FRMD4A: variants seen among roughly 807,000 people sequenced by gnomAD.
The protein encoded by FRMD4A is FERM domain containing 4A.
In FRMD4A, 29 loss-of-function variants were observed where a neutral mutation model predicts 129.1. That is an observed-to-expected ratio of 0.22 (90% confidence interval 0.17 to 0.31). The LOEUF (loss-of-function observed/expected upper bound fraction) is 0.31. Among genes scored for constraint, FRMD4A ranks in the 10% least tolerant of loss-of-function variants. The probability of loss-of-function intolerance (pLI) is 1.00; values close to 1 mark genes in which losing one functional copy is unlikely to be tolerated. For missense variants in FRMD4A, 1,272 were observed against 1,375.8 expected (o/e 0.92, Z 1.19); for synonymous variants, 634 against 571.6 (o/e 1.11, Z -1.56).
rs1463702658 is a variant in FRMD4A at position 13,732,815 on chromosome 10, G to A, written c.759+5029C>T. ...CATGCATGGGACCTCCCCTGCCCTC[G>A]GTGTGCAGGGACACTGCTGGCCACA... On this transcript the variant is annotated intron_variant, in intron 12 of 24. Transcript: ENST00000357447. 3.9e-5 allele frequency among the ~76,000 whole-genome samples: 6 copies of A among 152,298 alleles called. No individual in the cohort carries two copies. The East Asian group carries it at 9.6e-4, about 24-fold the overall frequency.
At chr10:14,097,345 G>C (rs1453160604) in intron 2 of FRMD4A, among the ~76,000 whole-genome samples, 1 of 151,968 alleles carries the variant, frequency 6.6e-6, no homozygotes, top group African/African-American at 2.4e-5. Flanking sequence ...TGGCTAACAG[G>C]AAGGATTAAG....
rs1357888839 is a variant in FRMD4A at position 13,670,548 on chromosome 10, T to A, written c.1252-20A>T. On this transcript the variant is annotated intron_variant, in intron 16 of 24. Transcript: ENST00000357447. ...GAGCTCCTGCATATGTGAAATGGCA[T>A]TCGGAGTGAGCACAAATCAGAGTGG... The A allele has an allele frequency of 1.9e-6, 3 of 1,610,204 alleles. No homozygotes were observed. The highest frequency in any genetic ancestry group is 1.7e-6 in the Non-Finnish European group (2 of 1,177,790).
At chr10:13,792,800 G>A (rs1312026993) in intron 5 of FRMD4A, among the ~76,000 whole-genome samples, 1 of 152,132 alleles carries the variant, frequency 6.6e-6, no homozygotes, top group African/African-American at 2.4e-5. Context: ...CTGAATGATG[G>A]GTCAATGAAG....
intron 2 of FRMD4A, among the ~76,000 whole-genome samples, chr10:13,921,627 G>A (rs1211161449): frequency 6.6e-6 from 1 of 152,054 alleles, no homozygotes; most frequent in Non-Finnish European, 1.5e-5. Context: ...TAACCTAATG[G>A]CCTGTCAAAG....
intron 2 of FRMD4A, among the ~76,000 whole-genome samples, chr10:13,941,938 C>T: frequency 6.6e-6 from 1 of 152,088 alleles, no homozygotes; most frequent in Non-Finnish European, 1.5e-5. Context: ...TCTGGAACTG[C>T]CCTGAGTCTG....
intron 4 of FRMD4A, among the ~76,000 whole-genome samples, chr10:13,798,064 C>T (rs985940216): frequency 3.3e-5 from 5 of 152,090 alleles, no homozygotes; most frequent in African/African-American, 1.2e-4. Flanking sequence ...AAAAAAATTC[C>T]ATTAACTTTA....
intron 2 of FRMD4A, among the ~76,000 whole-genome samples, chr10:14,321,467 T>C (rs1023248050): frequency 1.3e-5 from 2 of 152,058 alleles, no homozygotes; most frequent in Non-Finnish European, 2.9e-5. Context: ...CTGCATATCA[T>C]TTGTCAGGGA....
intron 17 of FRMD4A, among the ~76,000 whole-genome samples, chr10:13,669,856 G>A (rs143001211): frequency 4.9e-4 from 74 of 152,316 alleles, no homozygotes; most frequent in African/African-American, 1.5e-3. Flanking sequence ...AAGGATGGAC[G>A]TAGCTTCTCC....
chr10:14,235,610 T>A (rs184528444), intron 2 of FRMD4A, among the ~76,000 whole-genome samples: 1 of 152,340 alleles, frequency 6.6e-6, no homozygotes, highest in Non-Finnish European at 1.5e-5. Context: ...TTGTTATGCC[T>A]GTTAACACGG....
rs568713968 is a variant in FRMD4A at position 13,913,431 on chromosome 10, G to T, written c.46-54519C>A. ...CGTACTTTAATAGATGAATTGTATG[G>T]TTTGTGAATTAGATCTCAATAATAA... On this transcript the variant is annotated intron_variant, in intron 2 of 24. Coordinates refer to ENST00000357447, the MANE Select transcript of FRMD4A (RefSeq NM_018027.5). Among the ~76,000 whole-genome samples the T allele has an allele frequency of 5.3e-5, 8 of 152,240 alleles. No homozygotes were observed. In the South Asian group the frequency reaches 1.2e-3, roughly 24 times the overall value.
intron 2 of FRMD4A, among the ~76,000 whole-genome samples, chr10:14,319,030 G>C (rs904409289): frequency 6.6e-6 from 1 of 152,118 alleles, no homozygotes. Flanking sequence ...ATTTTGAGGT[G>C]GCCCACATCA....
At chr10:13,841,182 C>T (rs1224056094) in intron 3 of FRMD4A, among the ~76,000 whole-genome samples, 1 of 152,150 alleles carries the variant, frequency 6.6e-6, no homozygotes, top group Non-Finnish European at 1.5e-5. Context: ...AGACTTCATA[C>T]ATTAACTTTT....
At chr10:14,026,691 A>G (rs556319627) in intron 2 of FRMD4A, among the ~76,000 whole-genome samples, 1 of 152,360 alleles carries the variant, frequency 6.6e-6, no homozygotes, top group East Asian at 1.9e-4. Context: ...AACCAGCTGC[A>G]TCACATCAGC....
chr10:14,270,205 T>C (rs1160996923), intron 2 of FRMD4A, among the ~76,000 whole-genome samples: 1 of 152,188 alleles, frequency 6.6e-6, no homozygotes, highest in African/African-American at 2.4e-5. Flanking sequence ...TTTTGCTGAT[T>C]CTCCAGCCTG....
At position 13,685,102 on chromosome 10, in the gene FRMD4A, C is replaced by T. The variant is rs1210860218; in HGVS notation, c.1117+8796G>A. On this transcript the variant is annotated intron_variant, in intron 15 of 24. Coordinates refer to ENST00000357447, the MANE Select transcript of FRMD4A (RefSeq NM_018027.5). The stretch of plus-strand genomic sequence containing the variant: ...GCCACATTGCAGACTGCAGGATAAA[C>T]GTGTCATCTCTGGGGACTGTTATAG... 13 of 984,516 alleles carry T rather than the reference C, an allele frequency of 1.3e-5. No individual in the cohort carries two copies. In the South Asian group the frequency reaches 1.4e-4, roughly 11 times the overall value. 61.0% of individuals were successfully genotyped at this position (984,516 alleles called of 1,614,324 possible).
intron 2 of FRMD4A, among the ~76,000 whole-genome samples, chr10:14,078,124 A>G (rs1835717133): frequency 6.6e-6 from 1 of 152,206 alleles, no homozygotes; most frequent in South Asian, 2.1e-4. Context: ...GCAAGGGACC[A>G]CTTTGATGAA....
intron 2 of FRMD4A, among the ~76,000 whole-genome samples, chr10:14,087,930 CTGGAT>C (rs1836391343): frequency 6.6e-6 from 1 of 152,138 alleles, no homozygotes; most frequent in African/African-American, 2.4e-5. Flanking sequence ...GCGGCTTCTG[CTGGAT>C]ACTAAAAAGC....
intron 3 of FRMD4A, among the ~76,000 whole-genome samples, chr10:13,837,738 C>T (rs1036369853): frequency 1.3e-5 from 2 of 152,218 alleles, no homozygotes; most frequent in African/African-American, 4.8e-5. Context: ...ATGCACTACG[C>T]CCAGCTTTCC....
At position 13,773,737 on chromosome 10, in the gene FRMD4A, A is replaced by T. The variant is rs145206656; in HGVS notation, c.384+9185T>A. On this transcript the variant is annotated intron_variant, in intron 6 of 24. Transcript: ENST00000357447. ...TTCTTCTGTCAGTGCAGAACCCAGA[A>T]TAGGCAGGATTCAATCCTGCAGCCA... Among the ~76,000 whole-genome samples, 34 of 152,348 alleles carry T rather than the reference A, an allele frequency of 2.2e-4. 3 individuals carry two copies. Among genetic ancestry groups the T allele is most frequent in the African/African-American group, 8.2e-4 (34 of 41,584 alleles).
Sources: allele counts gnomAD v4.1 joint callset (sites outside exome capture counted in the v4.1 genomes callset), GRCh38; gene constraint gnomAD v4.1.1; transcripts MANE v1.5; gene names NCBI Gene and HGNC (gene_info 2026-07-23, HGNC 2026-07-21).